The following DNAH6 variants were observed in gnomAD, a reference collection of about 807,000 sequenced individuals.
DNAH6 encodes axonemal beta dynein heavy chain 6.
In DNAH6, 340 loss-of-function variants were observed where a neutral mutation model predicts 491.4. The ratio of observed to expected loss-of-function variants is 0.69; its 90% CI spans 0.63 to 0.76. The LOEUF (loss-of-function observed/expected upper bound fraction) is 0.76. Among genes scored for constraint, DNAH6 ranks in the 30% least tolerant of loss-of-function variants. The probability of loss-of-function intolerance (pLI) is 0.00; values close to 1 mark genes in which losing one functional copy is unlikely to be tolerated. For synonymous variants in DNAH6, 1,603 were observed against 1,686.1 expected (o/e 0.95, Z 1.21); for missense variants, 4,443 against 4,972.2 (o/e 0.89, Z 3.20).
intron 18 of DNAH6, among the ~76,000 whole-genome samples, chr2:84,602,909 G>A (rs771390608): frequency 6.7e-6 from 1 of 149,284 alleles, no homozygotes; most frequent in Non-Finnish European, 1.5e-5. Flanking sequence ...CCCTTTAAAG[G>A]CATTCTTTAT....
intron 11 of DNAH6, among the ~76,000 whole-genome samples, chr2:84,562,138 G>A (rs919657806): frequency 1.3e-5 from 2 of 152,256 alleles, no homozygotes; most frequent in Admixed American, 1.3e-4. Context: ...TTGAGGTACA[G>A]TTAATAGGCT....
intron 13 of DNAH6, among the ~76,000 whole-genome samples, chr2:84,578,180 G>C (rs937951627): frequency 1.3e-5 from 2 of 152,162 alleles, no homozygotes; most frequent in African/African-American, 4.8e-5. Flanking sequence ...GTATAAAAAA[G>C]AGTGCAGACC....
Position 84,624,963 on chromosome 2 carries a change from G to GT in DNAH6, c.4416dup (p.Pro1473SerfsTer25). The GT allele has an allele frequency of 6.4e-7, 1 of 1,551,686 alleles. No individual in the cohort carries two copies. Among genetic ancestry groups the GT allele is most frequent in the East Asian group, 2.4e-5 (1 of 40,914 alleles). ...CTTGACCTTGGGGGTGCACCAGCTG[G>GT]TCCTGCTGGCACTGGGAAAACAGAG... On this transcript the variant is annotated frameshift_variant, in exon 29 of 77. Transcript: ENST00000389394. LOFTEE classifies it high-confidence loss of function.
Position 84,598,114 on chromosome 2 carries a change from C to CT in DNAH6, c.2868+2328dup, listed in dbSNP as rs1325934347. On this transcript the variant is annotated intron_variant, in intron 18 of 76. Transcript: ENST00000389394. ...GTGGTTACTCGTGGAACTCGTGGTT[C>CT]TTTCTATCTTTCTTTTCTTTCTTTC... Among the ~76,000 whole-genome samples, 489 of 150,490 alleles carry CT rather than the reference C, an allele frequency of 3.2e-3. 4 individuals are homozygous for CT. The highest frequency in any genetic ancestry group is 0.011 in the African/African-American group (434 of 40,518).
chr2:84,559,889 AG>A (rs1212162805), intron 11 of DNAH6, among the ~76,000 whole-genome samples: 1 of 152,200 alleles, frequency 6.6e-6, no homozygotes, highest in Non-Finnish European at 1.5e-5. Flanking sequence ...TAGTGCTCAA[AG>A]GAGAATAAGT....
chr2:84,529,208 A>G (rs1676917247), intron 4 of DNAH6, 42 bp downstream of exon 4: 1 of 1,364,192 alleles, frequency 7.3e-7, no homozygotes, highest in Non-Finnish European at 1.0e-6. Context: ...AAAAATTACA[A>G]ATAAGATTTC....
chr2:84,766,793 A>C (rs1367113980), intron 64 of DNAH6, among the ~76,000 whole-genome samples: 1 of 152,194 alleles, frequency 6.6e-6, no homozygotes, highest in Non-Finnish European at 1.5e-5. Flanking sequence ...TGAGCCAGAC[A>C]TTTTGATTGC....
At chr2:84,560,099 A>G (rs1680488395) in intron 11 of DNAH6, among the ~76,000 whole-genome samples, 1 of 152,196 alleles carries the variant, frequency 6.6e-6, no homozygotes, top group Non-Finnish European at 1.5e-5. Flanking sequence ...AGAGAAAATC[A>G]AAAGAAGAGG....
chr2:84,710,021 A>G (rs528535570), intron 55 of DNAH6, among the ~76,000 whole-genome samples: 7 of 152,340 alleles, frequency 4.6e-5, no homozygotes, highest in African/African-American at 1.7e-4. Context: ...TGTGGAAGCA[A>G]GGGAGACCAA....
intron 11 of DNAH6, among the ~76,000 whole-genome samples, chr2:84,566,563 A>G (rs963163032): frequency 2.0e-5 from 3 of 152,058 alleles, no homozygotes; most frequent in Non-Finnish European, 2.9e-5. Context: ...AATTTCTTAA[A>G]TGGGATGACT....
At chr2:84,790,402 C>A (rs531763765) in intron 68 of DNAH6, among the ~76,000 whole-genome samples, 1 of 152,242 alleles carries the variant, frequency 6.6e-6, no homozygotes, top group Admixed American at 6.5e-5. Context: ...TCATCAACAT[C>A]TAAAACTTTT....
intron 26 of DNAH6, among the ~76,000 whole-genome samples, chr2:84,621,812 A>G (rs1329541983): frequency 1.3e-5 from 2 of 152,226 alleles, no homozygotes; most frequent in Non-Finnish European, 2.9e-5. Context: ...CACCAGGGTT[A>G]TAATTGTTTG....
Position 84,544,397 on chromosome 2 carries a change from T to C in DNAH6, c.827T>C (p.Phe276Ser). 1 of 1,545,382 alleles carries C rather than the reference T, an allele frequency of 6.5e-7. No individual in the cohort carries two copies. Among genetic ancestry groups the C allele is most frequent in the Non-Finnish European group, 8.8e-7 (1 of 1,141,382 alleles). ...ACTAAGATTCCCATATTTTCACTGT[T>C]CCGGAAATGGAAGGCTTTTAGTGTA... ...ELTKIPIFSLFRKWKAFSVWR... is the reference protein window; with the variant it reads ...ELTKIPIFSLSRKWKAFSVWR... The change falls in exon 5 of 77, where the codon TTC (phenylalanine) becomes TCC (serine). Residue 276 changes from phenylalanine (F) to serine (S), a missense_variant. By Grantham distance (155) the Phe-to-Ser change is radical. This residue lies in a region of DNAH6 where 2,977 missense variants were observed against 3,296.6 expected (regional missense o/e 0.90). Coordinates refer to ENST00000389394, the MANE Select transcript of DNAH6 (RefSeq NM_001370.2).
At position 84,685,454 on chromosome 2, in the gene DNAH6, A is replaced by C; in HGVS notation, c.7045A>C (p.Ile2349Leu). Residue 2349 changes from isoleucine to leucine, a missense_variant, in exon 43 of 77, where the codon ATT becomes CTT. Around this residue, in one of 3 missense-constraint regions of DNAH6, gnomAD observed 2,977 missense variants for 3,296.6 expected, o/e 0.90. Transcript: ENST00000389394. Reference protein sequence around the residue: ...NNEDKHYFHVILTEMANKHFG... With the variant: ...NNEDKHYFHVLLTEMANKHFG... ...TGAAGATAAGCACTATTTCCATGTT[A>C]TTCTGACAGAAATGGCCAGTAAATA... The C allele has an allele frequency of 6.7e-7, 1 of 1,484,604 alleles. No homozygotes were observed. The highest frequency in any genetic ancestry group is 9.0e-7 in the Non-Finnish European group (1 of 1,110,234). 92.0% of individuals were successfully genotyped at this position (1,484,604 alleles called of 1,614,324 possible). A position where few individuals can be genotyped will look rare whatever the true frequency, so the allele number is the denominator to read the frequency against.
chr2:84,709,299 G>A (rs1325356026), intron 54 of DNAH6, 44 bp from the exon 55 acceptor site: 2 of 1,543,838 alleles, frequency 1.3e-6, no homozygotes, highest in East Asian at 2.4e-5. Context: ...CTCGTTTACT[G>A]AGTGTTCCTG....
chr2:84,630,466 A>G (rs995070227), intron 29 of DNAH6, among the ~76,000 whole-genome samples: 2 of 152,206 alleles, frequency 1.3e-5, no homozygotes, highest in African/African-American at 2.4e-5. Context: ...GTACAGGTGT[A>G]TGAGATAAAG....
At chr2:84,483,360 A>G in the DNAH6 span, among the ~76,000 whole-genome samples, 1 of 152,180 alleles carries the variant, frequency 6.6e-6, no homozygotes, top group Admixed American at 6.5e-5. Flanking sequence ...TCAGGATTTT[A>G]TACTCAAAGC....
Position 84,619,811 on chromosome 2 carries a change from T to C in DNAH6, c.3699T>C (p.Pro1233=), listed in dbSNP as rs746861684. 6.4e-7 allele frequency: 1 copy of C among 1,551,504 alleles called. No homozygotes were observed. Among genetic ancestry groups the C allele is most frequent in the Non-Finnish European group, 8.7e-7 (1 of 1,146,864 alleles). The change falls in exon 24 of 77, where the codon CCT becomes CCC. Residue 1233 remains proline (P), a synonymous_variant. Transcript: ENST00000389394. ...SISKLEFALM[P]PAEGKIPGID... ...CAAAGCTCGAATTTGCTCTCATGCC[T>C]CCTGCCGAAGGAAAGATTCCTGGTA...
intron 10 of DNAH6, among the ~76,000 whole-genome samples, chr2:84,554,844 G>C (rs961158966): frequency 1.1e-4 from 17 of 152,354 alleles, no homozygotes; most frequent in African/African-American, 3.6e-4. Context: ...ATGACAAAAG[G>C]AGGCTCTGTC....
Sources: gnomAD v4.1 joint callset for allele counts (sites outside exome capture counted in the v4.1 genomes callset) on GRCh38, gnomAD v4.1.1 for gene constraint, gnomAD v4.1.1 regional missense constraint, MANE v1.5 for transcripts, NCBI Gene and HGNC (gene_info 2026-07-23, HGNC 2026-07-21) for gene names.